Variants in MATR3 observed in about 807,000 individuals in gnomAD.
MATR3 encodes matrin 3, also known as matrin-3.
In MATR3, 4 loss-of-function variants were observed where a neutral mutation model predicts 85.5. The observed-to-expected ratio is 0.05, with a 90% CI of 0.02 to 0.11. The LOEUF is 0.11. MATR3 is among the 10% of genes least tolerant of loss of function. The pLI, the probability that MATR3 is intolerant of heterozygous loss-of-function variation, is 1.00. For missense variants in MATR3, 685 were observed against 1,016.1 expected (o/e 0.67, Z 4.43); for synonymous variants, 336 against 343.1 (o/e 0.98, Z 0.23).
chr5:139,321,822 G>GTAGAA, intron 9 of MATR3, 76 bp from the exon 10 acceptor site: 1 of 1,465,602 alleles, frequency 6.8e-7, no homozygotes, highest in African/African-American at 1.4e-5. Context: ...TAACCAGTAG[G>GTAGAA]TAGAATACAT....
Position 139,315,718 on chromosome 5 carries a change from C to T in MATR3, c.996C>T (p.Asp332=). The T allele has an allele frequency of 1.2e-6, 2 of 1,611,100 alleles. No individual in the cohort carries two copies. The highest frequency in any genetic ancestry group is 1.7e-6 in the Non-Finnish European group (2 of 1,177,500). The change falls in exon 4 of 15, where the codon GAC becomes GAT. Residue 332 remains aspartate (D), a synonymous_variant. Coordinates refer to ENST00000394805, the MANE Select transcript of MATR3 (RefSeq NM_018834.6). Reference sequence around the variant, plus strand: ...AAAGCTACCCAGAATGGAATCCTGACAATGATACAGGACACACAATGTAAG... The same window carrying T: ...AAAGCTACCCAGAATGGAATCCTGATAATGATACAGGACACACAATGTAAG... ...LLEIYPEWNP[D]NDTGHTMGDP...
intron 12 of MATR3, chr5:139,325,178 G>C (rs1755783780): frequency 1.4e-6 from 2 of 1,393,746 alleles, no homozygotes; most frequent in Non-Finnish European, 1.9e-6. Flanking sequence ...GGTCGACAGA[G>C]CAAGACTCCG....
rs374910018 is a variant in MATR3, at chr5:139,330,904, CCTCAGT to C, written c.*1513_*1518del. On this transcript the variant is annotated 3_prime_UTR_variant, in exon 15 of 15. Coordinates refer to ENST00000394805, the MANE Select transcript of MATR3 (RefSeq NM_018834.6). ...CCTTTGGGCTCAAATGACCCTCCTA[CCTCAGT>C]CTCCTGAGTAGCTGGGACTACAGGC... is the stretch of plus-strand genomic sequence containing the variant. The C allele has an allele frequency of 2.9e-5, 13 of 453,834 alleles. No homozygotes were observed. Among genetic ancestry groups the C allele is most frequent in the African/African-American group, 2.0e-4 (10 of 49,992 alleles). 28.1% of individuals were successfully genotyped at this position (453,834 alleles called of 1,614,324 possible).
intron 1 of MATR3, among the ~76,000 whole-genome samples, chr5:139,296,459 A>G (rs1167209139): frequency 6.6e-6 from 1 of 152,228 alleles, no homozygotes; most frequent in East Asian, 1.9e-4. Flanking sequence ...GTTTTTCTGA[A>G]TTTACCACGA....
At position 139,322,962 on chromosome 5, in the gene MATR3, A is replaced by C; in HGVS notation, c.2143A>C (p.Lys715Gln). ...SASAAAKKKL[K>Q]KVDKIEELDQ... is the part of the protein sequence containing the mutation. ...TTCAGCAGCAGCAAAGAAAAAGCTT[A>C]AAAAGGTAAAGAAAGATACATTGAT... Residue 715 changes from lysine (K) to glutamine (Q), a missense_variant, in exon 12 of 15, where the codon AAA becomes CAA. Lys to Gln is a moderately conservative substitution (Grantham distance 53, BLOSUM62 1). This residue lies in a region of MATR3 where 215 missense variants were observed against 194.7 expected (regional missense o/e 1.10). Coordinates refer to ENST00000394805, the MANE Select transcript of MATR3 (RefSeq NM_018834.6). 1 of 1,614,048 alleles carries C rather than the reference A, an allele frequency of 6.2e-7. No individual in the cohort carries two copies. Among genetic ancestry groups the C allele is most frequent in the Non-Finnish European group, 8.5e-7 (1 of 1,179,944 alleles).
intron 9 of MATR3, among the ~76,000 whole-genome samples, chr5:139,319,860 CTTTTTTTT>C (rs58123057): frequency 9.5e-4 from 42 of 44,164 alleles, no homozygotes; most frequent in South Asian, 1.4e-3. Flanking sequence ...AAAAAATTTG[CTTTTTTTT>C]TTTTTTTTTT....
Position 139,307,365 on chromosome 5 carries a change from T to C in MATR3, c.-51T>C, listed in dbSNP as rs542501385. ...TTTGAGCTTTCTTTTTGGCCGTCTT[T>C]AAAAAAATTTTTTTTTTTAATCTAT... On this transcript the variant is annotated 5_prime_UTR_variant, in exon 2 of 15. Coordinates refer to ENST00000394805, the MANE Select transcript of MATR3 (RefSeq NM_018834.6). The surrounding 1 kb of genome is among the most constrained non-coding windows in gnomAD (Gnocchi z 4.4). The C allele has an allele frequency of 2.6e-6, 4 of 1,552,664 alleles. No homozygotes were observed. The highest frequency in any genetic ancestry group is 3.5e-6 in the Non-Finnish European group (4 of 1,151,672).
rs1318353930 is a variant in MATR3 at position 139,316,150 on chromosome 5, A to G, written c.1091A>G (p.His364Arg). The change falls in exon 5 of 15, where the codon CAT becomes CGT. Residue 364 changes from histidine to arginine, a missense_variant. This residue lies in a region of MATR3 where 223 missense variants were observed against 334.4 expected (regional missense o/e 0.67). Coordinates refer to ENST00000394805, the MANE Select transcript of MATR3 (RefSeq NM_018834.6). ...CTGGGACCTCCACCTCCCTCATTTC[A>G]TCTTGGGGGACCAGCAGTTGGACCA... is the stretch of plus-strand genomic sequence containing the variant. ...GILGPPPPSF[H>R]LGGPAVGPRG... 1 of 1,613,860 alleles carries G rather than the reference A, an allele frequency of 6.2e-7. No individual in the cohort carries two copies. Among genetic ancestry groups the G allele is most frequent in the Admixed American group, 1.7e-5 (1 of 60,022 alleles).
In MATR3 at chr5:139,277,136, A is replaced by AT. The variant is rs397966801; in HGVS notation, c.-257+999dup. ...AGGTGTGTGCCACCACAACCAGATA[A>AT]TTTTTTTTTTTTTAATTTGTAGAGA... On this transcript the variant is annotated intron_variant, in intron 2 of 16. Transcript: ENST00000509990. Among the ~76,000 whole-genome samples the AT allele has an allele frequency of 2.7e-3, 399 of 145,896 alleles. 1 individual carries two copies. The highest frequency in any genetic ancestry group is 4.2e-3 in the African/African-American group (167 of 40,108).
chr5:139,281,275 C>T (rs965218844), intron 3 of MATR3, among the ~76,000 whole-genome samples: 1 of 151,732 alleles, frequency 6.6e-6, no homozygotes, highest in Admixed American at 6.6e-5. Context: ...TCTGGGCTCA[C>T]GTGGTCCTCC....
chr5:139,317,437 G>A (rs1354633461), intron 6 of MATR3, among the ~76,000 whole-genome samples, 159 bp from the exon 7 acceptor site: 1 of 152,218 alleles, frequency 6.6e-6, no homozygotes, highest in Non-Finnish European at 1.5e-5. Flanking sequence ...CTTACCCAGT[G>A]ACGTTTGATA....
chr5:139,322,734 A>C lies in MATR3; in HGVS notation c.1915A>C (p.Thr639Pro), dbSNP rs765603068. 1.2e-6 allele frequency: 2 copies of C among 1,614,164 alleles called. No individual in the cohort carries two copies. Among genetic ancestry groups the C allele is most frequent in the Non-Finnish European group, 8.5e-7 (1 of 1,180,038 alleles). Residue 639 changes from threonine (T) to proline (P), a missense_variant, in exon 12 of 15, where the codon ACA becomes CCA. Transcript: ENST00000394805. ...EKSGEDGEKD[T>P]KDDQTEQEPN... ...GTCCGGTGAAGATGGTGAGAAAGAC[A>C]CAAAGGATGACCAGACAGAGCAGGA...
intron 3 of MATR3, chr5:139,279,960 G>A (rs1349474285): frequency 1.3e-5 from 2 of 152,100 alleles, no homozygotes; most frequent in African/African-American, 4.8e-5. Context: ...TACCCTATTG[G>A]ACAACTCCAA....
chr5:139,315,843 C>A, intron 4 of MATR3, 105 bp downstream of exon 4: 2 of 1,013,864 alleles, frequency 2.0e-6, no homozygotes, highest in South Asian at 1.4e-5. Context: ...AATTTCTTTA[C>A]TGAAAATGAG....
At chr5:139,322,379 T>C in intron 10 of MATR3, 84 bp from the exon 11 acceptor site, 3 of 1,257,446 alleles carry the variant, frequency 2.4e-6, no homozygotes, top group Non-Finnish European at 3.5e-6. Flanking sequence ...GAGTTGATTA[T>C]AGGGATTGTC....
At chr5:139,319,948 C>CT (rs201546262) in intron 9 of MATR3, among the ~76,000 whole-genome samples, 5,285 of 43,576 alleles carry the variant, frequency 0.12, 358 homozygotes, top group East Asian at 0.48. Flanking sequence ...CTTTTCTTTT[C>CT]TTTTTTTTTT....
intron 2 of MATR3, chr5:139,310,382 A>C (rs777208920): frequency 3.3e-4 from 50 of 152,200 alleles, no homozygotes; most frequent in Non-Finnish European, 4.7e-4. Context: ...AACTTTAAGA[A>C]GTTTAAACAC....
chr5:139,276,070 C>G, intron 1 of MATR3: 1 of 456,776 alleles, frequency 2.2e-6, no homozygotes. Context: ...GGACTCTGAG[C>G]TGCACACGTG....
At chr5:139,281,851 G>C (rs958464720) in intron 3 of MATR3, among the ~76,000 whole-genome samples, 3 of 152,038 alleles carry the variant, frequency 2.0e-5, no homozygotes, top group Non-Finnish European at 4.4e-5. Flanking sequence ...AAATAAGGAG[G>C]GTTTCCAAAC....
Sources: gnomAD v4.1 joint callset for allele counts (sites outside exome capture counted in the v4.1 genomes callset) on GRCh38, gnomAD v4.1.1 for gene constraint, gnomAD v4.1.1 regional missense constraint, Gnocchi (gnomAD v3.1) non-coding constraint, MANE v1.5 for transcripts, NCBI Gene and HGNC (gene_info 2026-07-23, HGNC 2026-07-21) for gene names.